The following SDK1 variants were observed in gnomAD, a reference collection of about 807,000 sequenced individuals.
The protein encoded by SDK1 is sidekick cell adhesion molecule 1, also known as protein sidekick-1.
In SDK1, 157 loss-of-function variants were observed where a neutral mutation model predicts 245.5. That is an observed-to-expected ratio of 0.64 (90% CI 0.56 to 0.73). The LOEUF (loss-of-function observed/expected upper bound fraction) is 0.73, where lower values mean the gene tolerates loss of function less well. Ranked by LOEUF, SDK1 falls within the 30% of genes least tolerant of loss-of-function variation. SDK1 has a pLI of 0.00. For synonymous variants in SDK1, 1,647 were observed against 1,278.5 expected, an observed-to-expected ratio of 1.29 and a Z score of -6.15; for missense variants, 3,583 against 3,002.3, an observed-to-expected ratio of 1.19 and a Z score of -4.52.
At position 3,625,807 on chromosome 7, in the gene SDK1, G is replaced by T. The variant is rs183604583; in HGVS notation, c.458+6568G>T. Among the ~76,000 whole-genome samples, 615 of 151,824 alleles carry T rather than the reference G, an allele frequency of 4.1e-3. 5 individuals carry two copies. Among genetic ancestry groups the T allele is most frequent in the African/African-American group, 0.015 (598 of 41,102 alleles). On this transcript the variant is annotated intron_variant, in intron 2 of 44. Transcript: ENST00000404826. Reference sequence around the variant, plus strand: ...TCCCCAGGACAGGAAGCAAGAAATAGGAGGCATGGGTTGAGGCAAAGTGAT... The same window carrying T: ...TCCCCAGGACAGGAAGCAAGAAATATGAGGCATGGGTTGAGGCAAAGTGAT...
chr7:3,809,016 A>G (rs141056735), intron 4 of SDK1, among the ~76,000 whole-genome samples: 417 of 152,230 alleles, frequency 2.7e-3, no homozygotes, highest in Middle Eastern at 0.014. Context: ...CTGTTCTTGC[A>G]TTGTTATAAG....
intron 1 of SDK1, among the ~76,000 whole-genome samples, chr7:3,570,508 TC>T (rs1780078143): frequency 6.6e-6 from 1 of 152,174 alleles, no homozygotes; most frequent in Non-Finnish European, 1.5e-5. Context: ...AACTAAGGGA[TC>T]CCTTTCCCCC....
intron 5 of SDK1, among the ~76,000 whole-genome samples, chr7:3,929,503 G>A (rs1779899399): frequency 6.6e-6 from 1 of 152,158 alleles, no homozygotes; most frequent in African/African-American, 2.4e-5. Flanking sequence ...TAGGGCTCCT[G>A]TGTTTCTTTT....
At chr7:4,027,436 C>G (rs995957548) in intron 17 of SDK1, among the ~76,000 whole-genome samples, 11 of 152,196 alleles carry the variant, frequency 7.2e-5, no homozygotes, top group Non-Finnish European at 1.5e-4. Context: ...CGTAGGGATA[C>G]TAAGTAGGAT....
At chr7:3,601,597 A>G (rs943554582) in intron 1 of SDK1, among the ~76,000 whole-genome samples, 3 of 151,098 alleles carry the variant, frequency 2.0e-5, no homozygotes, top group Non-Finnish European at 3.0e-5. Flanking sequence ...CTCTCTTTTT[A>G]TTTATTTTAG....
chr7:3,750,769 C>T (rs1252673408), intron 4 of SDK1, among the ~76,000 whole-genome samples: 1 of 152,212 alleles, frequency 6.6e-6, no homozygotes, highest in Non-Finnish European at 1.5e-5. Context: ...GAATCTTTGT[C>T]AGTAAATACT....
chr7:3,388,725 A>G, intron 1 of SDK1, among the ~76,000 whole-genome samples: 1 of 152,318 alleles, frequency 6.6e-6, no homozygotes, highest in Non-Finnish European at 1.5e-5. Context: ...AGAATTTTAT[A>G]AAGTATGATA....
rs565684600 is a variant in SDK1 at position 3,678,478 on chromosome 7, G to A, written c.713+36373G>A. On this transcript the variant is annotated intron_variant, in intron 4 of 44. Coordinates refer to ENST00000404826, the MANE Select transcript of SDK1 (RefSeq NM_152744.4). ...TTGAAAAATGCTGCATCACGTGGAC[G>A]AACTTTGAAAACTAATCATTCACTA... is the stretch of plus-strand genomic sequence containing the variant. Among the ~76,000 whole-genome samples the A allele has an allele frequency of 4.8e-4, 73 of 152,304 alleles. 1 individual carries two copies. The South Asian group carries it at 0.013, about 28-fold the overall frequency.
intron 1 of SDK1, among the ~76,000 whole-genome samples, chr7:3,535,296 T>G (rs1183332303): frequency 6.6e-6 from 1 of 152,072 alleles, no homozygotes; most frequent in Non-Finnish European, 1.5e-5. Flanking sequence ...AAAAGAAAAC[T>G]GTTAGGCTAT....
In SDK1 at chr7:4,083,816, T is replaced by C. The variant is rs112985504; in HGVS notation, c.3324+4232T>C. 5.8e-3 allele frequency among the ~76,000 whole-genome samples: 571 copies of C among 99,042 alleles called. 14 individuals are homozygous for C. The highest frequency in any genetic ancestry group is 0.023 in the South Asian group (53 of 2,274). 65.0% of individuals were successfully genotyped at this position (99,042 alleles called of 152,430 possible). ...CTCTCTCCCTCCCTTCCTTCCTTTC[T>C]TCCTCTCTCCCTTCCTCTCTCTCTC... On this transcript the variant is annotated intron_variant, in intron 22 of 44. Coordinates refer to ENST00000404826, the MANE Select transcript of SDK1 (RefSeq NM_152744.4).
chr7:3,575,601 T>G (rs902825732), intron 1 of SDK1, among the ~76,000 whole-genome samples: 2 of 151,874 alleles, frequency 1.3e-5, no homozygotes, highest in Non-Finnish European at 2.9e-5. Flanking sequence ...TGAGGGAAAA[T>G]CGATCTAGAG....
intron 1 of SDK1, among the ~76,000 whole-genome samples, chr7:3,506,093 A>G (rs1218408561): frequency 6.6e-6 from 1 of 152,052 alleles, no homozygotes; most frequent in Non-Finnish European, 1.5e-5. Flanking sequence ...CTTTTTGTAG[A>G]TGCAAGTTTT....
At chr7:3,986,215 T>C (rs989466983) in intron 13 of SDK1, among the ~76,000 whole-genome samples, 1 of 151,886 alleles carries the variant, frequency 6.6e-6, no homozygotes, top group African/African-American at 2.4e-5. Context: ...TTTTTTTAAC[T>C]AGTAACTTAT....
intron 5 of SDK1, among the ~76,000 whole-genome samples, chr7:3,915,507 C>T (rs1267714593): frequency 1.3e-5 from 2 of 152,132 alleles, no homozygotes; most frequent in Admixed American, 1.3e-4. Flanking sequence ...TTTCGCTTGG[C>T]CCTCATTCTG....
At position 4,155,408 on chromosome 7, in the gene SDK1, G is replaced by A. The variant is rs76080630; in HGVS notation, c.4626-3040G>A. 3.2e-4 allele frequency among the ~76,000 whole-genome samples: 48 copies of A among 152,280 alleles called. No homozygotes were observed. The East Asian group carries it at 7.9e-3, about 25-fold the overall frequency. Reference sequence around the variant, plus strand: ...GCTGATTTGTCCAGCCACCTGACACGCACTTATGGCACACCACGTGTGCCC... The same window carrying A: ...GCTGATTTGTCCAGCCACCTGACACACACTTATGGCACACCACGTGTGCCC... On this transcript the variant is annotated intron_variant, in intron 30 of 44. Transcript: ENST00000404826.
intron 1 of SDK1, among the ~76,000 whole-genome samples, chr7:3,543,306 C>G (rs1460151417): frequency 1.3e-5 from 2 of 152,232 alleles, no homozygotes; most frequent in Admixed American, 6.5e-5. Flanking sequence ...CTGTTATACT[C>G]CTTGCTTAAT....
rs1279115748 is a variant in SDK1 at position 3,590,942 on chromosome 7, G to A, written c.299-28138G>A. Among the ~76,000 whole-genome samples, 5 of 151,978 alleles carry A rather than the reference G, an allele frequency of 3.3e-5. No individual in the cohort carries two copies. In the East Asian group the frequency reaches 7.7e-4, roughly 24 times the overall value. ...AGACTACTGGCATGTGCCACCACAC[G>A]TGGCTAATTTTTGTATTTTTTGCAG... On this transcript the variant is annotated intron_variant, in intron 1 of 44. Transcript: ENST00000404826.
chr7:3,426,609 C>T (rs1040736952), intron 1 of SDK1, among the ~76,000 whole-genome samples: 3 of 152,238 alleles, frequency 2.0e-5, no homozygotes, highest in Admixed American at 6.5e-5. Context: ...CCTAGCCAGT[C>T]ACCTGTGGCC....
intron 4 of SDK1, among the ~76,000 whole-genome samples, chr7:3,710,265 G>A (rs1364245436): frequency 6.6e-6 from 1 of 152,170 alleles, no homozygotes; most frequent in Non-Finnish European, 1.5e-5. Flanking sequence ...TATAAAGAGG[G>A]TTCATGTTAC....
Sources: allele counts gnomAD v4.1 joint callset (sites outside exome capture counted in the v4.1 genomes callset), GRCh38; gene constraint gnomAD v4.1.1; transcripts MANE v1.5; gene names NCBI Gene and HGNC (gene_info 2026-07-23, HGNC 2026-07-21).